Variants in RBFOX1 observed in about 807,000 individuals in gnomAD.
RBFOX1 encodes RNA binding protein fox-1 homolog 1.
A neutral mutation model predicts 57.7 loss-of-function variants in RBFOX1; 8 were observed. The observed-to-expected ratio is 0.14, with a 90% confidence interval of 0.08 to 0.25. RBFOX1 has a LOEUF of 0.25. RBFOX1 is among the 10% of genes least tolerant of loss of function. RBFOX1 has a pLI of 1.00. For synonymous variants in RBFOX1, 326 were observed against 222.4 expected (o/e 1.47, Z -4.15); for missense variants, 611 against 548.5 (o/e 1.11, Z -1.14).
upstream of RBFOX1, among the ~76,000 whole-genome samples, chr16:6,018,831 G>A (rs774842683): frequency 6.6e-6 from 1 of 152,016 alleles, no homozygotes; most frequent in African/African-American, 2.4e-5. Context: ...GGACGAGGAC[G>A]GGCGCAGGTG....
At chr16:5,989,269 T>C (rs1181234695) in intron 4 of RBFOX1, among the ~76,000 whole-genome samples, 9 of 151,930 alleles carry the variant, frequency 5.9e-5, no homozygotes, top group Non-Finnish European at 4.4e-5. Context: ...AGGCGGAGTT[T>C]ACAGTGAGCC....
intron 3 of RBFOX1, among the ~76,000 whole-genome samples, chr16:6,872,291 T>A (rs1317125563): frequency 1.3e-5 from 2 of 152,096 alleles, no homozygotes; most frequent in Non-Finnish European, 2.9e-5. Flanking sequence ...TAACTTGGGG[T>A]AGTTTGCTTC....
At chr16:5,264,032 A>C (rs1243341343) in intron 1 of RBFOX1, among the ~76,000 whole-genome samples, 1 of 152,166 alleles carries the variant, frequency 6.6e-6, no homozygotes, top group Non-Finnish European at 1.5e-5. Context: ...GGTTGAAGGC[A>C]GGGAAGAACG....
chr16:6,572,517 G>T (rs532307143), intron 2 of RBFOX1, among the ~76,000 whole-genome samples: 1 of 152,084 alleles, frequency 6.6e-6, no homozygotes, highest in African/African-American at 2.4e-5. Context: ...ATTATTTAGC[G>T]TGAACCGTAG....
At chr16:6,816,034 G>A (rs531079578) in intron 3 of RBFOX1, among the ~76,000 whole-genome samples, 10 of 152,284 alleles carry the variant, frequency 6.6e-5, no homozygotes, top group Non-Finnish European at 1.5e-4. Context: ...TAATCGGCCA[G>A]GAGCAATGGC....
At chr16:7,163,844 G>C (rs1039010071) in intron 4 of RBFOX1, among the ~76,000 whole-genome samples, 16 of 152,004 alleles carry the variant, frequency 1.1e-4, no homozygotes, top group Non-Finnish European at 1.5e-4. Context: ...GTTTTTGGTA[G>C]AGATGAAGTT....
At chr16:6,645,940 A>T (rs1026891182) in intron 2 of RBFOX1, among the ~76,000 whole-genome samples, 1 of 152,104 alleles carries the variant, frequency 6.6e-6, no homozygotes, top group Admixed American at 6.6e-5. Context: ...GATAAACCCT[A>T]GCAGTGTGAT....
intron 3 of RBFOX1, among the ~76,000 whole-genome samples, chr16:6,913,193 AT>A (rs959317348): frequency 6.6e-6 from 1 of 152,020 alleles, no homozygotes; most frequent in Non-Finnish European, 1.5e-5. Flanking sequence ...CTTGAAAAAC[AT>A]TTTTTTAAAT....
At chr16:6,762,668 C>T (rs9921838) in intron 3 of RBFOX1, among the ~76,000 whole-genome samples, 10,009 of 152,154 alleles carry the variant, frequency 0.066, 575 homozygotes, top group East Asian at 0.28. Context: ...TTAAACTTGG[C>T]ATTTGGTTAT....
At chr16:7,259,295 C>T (rs1340861162) in intron 4 of RBFOX1, among the ~76,000 whole-genome samples, 1 of 152,166 alleles carries the variant, frequency 6.6e-6, no homozygotes, top group Admixed American at 6.5e-5. Flanking sequence ...GGCTTAAACC[C>T]TATGGAAACA....
At chr16:7,250,535 C>A (rs2094465875) in intron 4 of RBFOX1, among the ~76,000 whole-genome samples, 1 of 152,164 alleles carries the variant, frequency 6.6e-6, no homozygotes, top group Admixed American at 6.6e-5. Context: ...TAGTTTTTAT[C>A]CCCTCCCTCC....
At chr16:5,640,959 TACACACATGCAC>T (rs1567334636) in intron 3 of RBFOX1, among the ~76,000 whole-genome samples, 1 of 148,216 alleles carries the variant, frequency 6.7e-6, no homozygotes, top group East Asian at 2.0e-4. Context: ...CACACATGCA[TACACACATGCAC>T]ACACATACAT....
intron 3 of RBFOX1, among the ~76,000 whole-genome samples, chr16:5,609,046 G>A (rs4786736): frequency 0.18 from 27,653 of 152,070 alleles, 4,592 homozygotes; most frequent in African/African-American, 0.45. Context: ...CAAGAAAGAC[G>A]GAAGGAAGAT....
chr16:5,810,671 A>G (rs549961155), intron 3 of RBFOX1, among the ~76,000 whole-genome samples: 1 of 152,206 alleles, frequency 6.6e-6, no homozygotes, highest in Non-Finnish European at 1.5e-5. Flanking sequence ...CACAATCAGA[A>G]TTCAGGAGTA....
intron 1 of RBFOX1, among the ~76,000 whole-genome samples, chr16:6,248,879 C>G (rs998288772): frequency 1.3e-5 from 2 of 152,116 alleles, no homozygotes; most frequent in African/African-American, 4.8e-5. Flanking sequence ...ACAAGAGCAC[C>G]TGGCACACGG....
At chr16:6,387,602 A>T (rs539225480) in intron 2 of RBFOX1, among the ~76,000 whole-genome samples, 2 of 152,318 alleles carry the variant, frequency 1.3e-5, no homozygotes, top group East Asian at 3.9e-4. Flanking sequence ...GCTCAAGGTT[A>T]TGTGAAACAA....
chr16:6,014,180 C>T (rs529734255), upstream of RBFOX1, among the ~76,000 whole-genome samples: 9 of 152,202 alleles, frequency 5.9e-5, no homozygotes, highest in African/African-American at 1.9e-4. Flanking sequence ...TGAGATGATA[C>T]AATCAAAGAG....
chr16:5,675,311 C>T (rs373639748), intron 3 of RBFOX1, among the ~76,000 whole-genome samples: 2 of 152,214 alleles, frequency 1.3e-5, no homozygotes, highest in African/African-American at 4.8e-5. Flanking sequence ...AGGGATGAAC[C>T]AGCCCAGGAA....
chr16:7,044,963 C>G (rs2047405358), intron 3 of RBFOX1, among the ~76,000 whole-genome samples: 1 of 152,148 alleles, frequency 6.6e-6, no homozygotes, highest in African/African-American at 2.4e-5. Flanking sequence ...TCATTACACC[C>G]TGTTTGGGGT....
Sources: allele counts gnomAD v4.1 joint callset (sites outside exome capture counted in the v4.1 genomes callset), GRCh38; gene constraint gnomAD v4.1.1; transcripts MANE v1.5; gene names NCBI Gene and HGNC (gene_info 2026-07-23, HGNC 2026-07-21).